PIGY: variants seen among roughly 807,000 people sequenced by gnomAD.
PIGY encodes the protein phosphatidylinositol N-acetylglucosaminyltransferase subunit Y.
In PIGY, 3 loss-of-function variants were observed where a neutral mutation model predicts 4.1. The ratio of observed to expected loss-of-function variants is 0.73; its 90% CI spans 0.33 to 1.89. The LOEUF is 1.89. Ranked by LOEUF, PIGY falls within the 40% of genes most tolerant of loss-of-function variation. PIGY has a pLI of 0.08. For missense variants in PIGY, 78 were observed against 80.3 expected (o/e 0.97, Z 0.11); for synonymous variants, 33 against 31.4 (o/e 1.05, Z -0.18).
chr4:88,522,795 A>G (rs1458356840), intron 1 of PIGY, among the ~76,000 whole-genome samples: 1 of 152,230 alleles, frequency 6.6e-6, no homozygotes, highest in African/African-American at 2.4e-5. Flanking sequence ...CACAACTAAG[A>G]GCCACTGGGC....
At position 88,523,737 on chromosome 4, in the gene PIGY, C is replaced by G. The variant is rs1324283736; in HGVS notation, c.-480G>C. Reference sequence around the variant, plus strand: ...CGGAGACCAGGCCTCACCGCAGCCTCGCCACCCGTGGCCGAGCTCCCGGCT... The same window carrying G: ...CGGAGACCAGGCCTCACCGCAGCCTGGCCACCCGTGGCCGAGCTCCCGGCT... On this transcript the variant is annotated 5_prime_UTR_variant, in exon 1 of 2. Transcript: ENST00000527353. The G allele has an allele frequency of 2.8e-6, 4 of 1,403,646 alleles. No individual in the cohort carries two copies. The highest frequency in any genetic ancestry group is 3.7e-6 in the Non-Finnish European group (4 of 1,086,202). The allele number at this position is 1,403,646 out of a possible 1,614,324, so 86.9% of individuals were successfully genotyped here.
In PIGY at chr4:88,521,267, A is replaced by C. The variant is rs1742362793; in HGVS notation, c.*307T>G. Reference sequence around the variant, plus strand: ...AACAAACAAGCAAAACAAAATTTCAATGACTCTTAGATGAATGGAATAAGA... The same window carrying C: ...AACAAACAAGCAAAACAAAATTTCACTGACTCTTAGATGAATGGAATAAGA... On this transcript the variant is annotated 3_prime_UTR_variant, in exon 2 of 2. Coordinates refer to ENST00000527353, the MANE Select transcript of PIGY (RefSeq NM_001042616.3). The C allele has an allele frequency of 3.7e-6, 1 of 267,576 alleles. No individual in the cohort carries two copies. The highest frequency in any genetic ancestry group is 7.6e-5 in the South Asian group (1 of 13,128). 16.6% of individuals were successfully genotyped at this position (267,576 alleles called of 1,614,324 possible).
At chr4:88,523,389 A>G in intron 1 of PIGY, 109 bp downstream of exon 1, 1 of 1,122,036 alleles carries the variant, frequency 8.9e-7, no homozygotes, top group African/African-American at 1.6e-5. Flanking sequence ...GGCAGCGGAG[A>G]GTACCTGACC....
chr4:88,523,691 C>A lies in PIGY; in HGVS notation c.-434G>T. On this transcript the variant is annotated 5_prime_UTR_variant, in exon 1 of 2. The change creates a premature stop within an existing upstream ORF in the 5' untranslated region. Coordinates refer to ENST00000527353, the MANE Select transcript of PIGY (RefSeq NM_001042616.3). The stretch of plus-strand genomic sequence containing the variant: ...GCTGAGGCGAGCCTGCAGCGTGCTC[C>A]ACTCAGCATGGTCTGGCAGCCGGAG... 6.7e-7 allele frequency: 1 copy of A among 1,487,876 alleles called. No individual in the cohort carries two copies. The highest frequency in any genetic ancestry group is 2.5e-5 in the East Asian group (1 of 39,438). The allele number at this position is 1,487,876 out of a possible 1,614,324, so 92.2% of individuals were successfully genotyped here.
At position 88,522,036 on chromosome 4, in the gene PIGY, T is replaced by TG. The variant is rs1742389183; in HGVS notation, c.-240-8dup. On this transcript the variant is annotated splice_region_variant and splice_polypyrimidine_tract_variant and intron_variant, in intron 1 of 1. Coordinates refer to ENST00000527353, the MANE Select transcript of PIGY (RefSeq NM_001042616.3). ...GTTTGTTGATGCTTCATATCTGAGG[T>TG]GGAAAAAAAAAGAACAAAATGAGTT... The TG allele has an allele frequency of 6.6e-7, 1 of 1,519,166 alleles. No homozygotes were observed. The highest frequency in any genetic ancestry group is 8.8e-7 in the Non-Finnish European group (1 of 1,135,548). The allele number at this position is 1,519,166 out of a possible 1,614,324, so 94.1% of individuals were successfully genotyped here.
chr4:88,521,917 T>TA lies in PIGY; in HGVS notation c.-129dup, dbSNP rs1742383120. On this transcript the variant is annotated 5_prime_UTR_variant, in exon 2 of 2. It introduces an in-frame stop codon into an upstream open reading frame of the 5' UTR. Coordinates refer to ENST00000527353, the MANE Select transcript of PIGY (RefSeq NM_001042616.3). ...CGCTGCTCCACTTCTTCTTGCTTCT[T>TA]ACTTTGACGTGTCATCCTAGCTGCC... The TA allele has an allele frequency of 1.3e-6, 2 of 1,550,970 alleles. No homozygotes were observed. Among genetic ancestry groups the TA allele is most frequent in the East Asian group, 4.9e-5 (2 of 40,924 alleles).
Position 88,523,766 on chromosome 4 carries a change from C to G in PIGY, c.-509G>C, listed in dbSNP as rs991610681. On this transcript the variant is annotated 5_prime_UTR_variant, in exon 1 of 2. Transcript: ENST00000527353. ...ACCCGTGGCCGAGCTCCCGGCTTCCCGTTCGTCCAGGCCAGCCGGGCAGGC... is the reference window on the plus strand; with the variant it reads ...ACCCGTGGCCGAGCTCCCGGCTTCCGGTTCGTCCAGGCCAGCCGGGCAGGC... 6 of 1,376,558 alleles carry G rather than the reference C, an allele frequency of 4.4e-6. No homozygotes were observed. Among genetic ancestry groups the G allele is most frequent in the South Asian group, 1.6e-5 (1 of 63,388 alleles). 85.3% of individuals were successfully genotyped at this position (1,376,558 alleles called of 1,614,324 possible). A position where few individuals can be genotyped will look rare whatever the true frequency, so the allele number is the denominator to read the frequency against.
rs1219304034 is a variant in PIGY, at chr4:88,523,707, G to A, written c.-450C>T. The A allele has an allele frequency of 7.5e-6, 11 of 1,460,878 alleles. No individual in the cohort carries two copies. Among genetic ancestry groups the A allele is most frequent in the Admixed American group, 5.1e-5 (2 of 39,008 alleles). 90.5% of individuals were successfully genotyped at this position (1,460,878 alleles called of 1,614,324 possible). Reference sequence around the variant, plus strand: ...AGCGTGCTCCACTCAGCATGGTCTGGCAGCCGGAGACCAGGCCTCACCGCA... The same window carrying A: ...AGCGTGCTCCACTCAGCATGGTCTGACAGCCGGAGACCAGGCCTCACCGCA... On this transcript the variant is annotated 5_prime_UTR_variant, in exon 1 of 2. Transcript: ENST00000527353.
chr4:88,521,239 C>G lies in PIGY; in HGVS notation c.*335G>C. On this transcript the variant is annotated 3_prime_UTR_variant, in exon 2 of 2. Transcript: ENST00000527353. ...TGTGACTTTACCAAAGACCTTGAAG[C>G]TAAACAAACAAGCAAAACAAAATTT... 4.3e-6 allele frequency: 1 copy of G among 232,204 alleles called. No individual in the cohort carries two copies. The highest frequency in any genetic ancestry group is 8.5e-6 in the Non-Finnish European group (1 of 117,286). 14.4% of individuals were successfully genotyped at this position (232,204 alleles called of 1,614,324 possible).
rs1165342720 is a variant in PIGY, at chr4:88,521,626, A to G, written c.164T>C (p.Val55Ala). The change falls in exon 2 of 2, where the codon GTA becomes GCA. Residue 55 changes from valine (V) to alanine (A), a missense_variant. Transcript: ENST00000527353. Reference protein sequence around the residue: ...LLLPITIPVYVFFHLWTWMGI... With the variant: ...LLLPITIPVYAFFHLWTWMGI... ...CATCCAAGTCCAAAGGTGGAAGAAT[A>G]CATACACTGGTATGGTAATAGGCAA... 1 of 1,613,910 alleles carries G rather than the reference A, an allele frequency of 6.2e-7. No homozygotes were observed. The highest frequency in any genetic ancestry group is 1.3e-5 in the African/African-American group (1 of 74,938).
Position 88,521,912 on chromosome 4 carries a change from C to G in PIGY, c.-123G>C. The G allele has an allele frequency of 6.4e-7, 1 of 1,550,580 alleles. No individual in the cohort carries two copies. The highest frequency in any genetic ancestry group is 8.7e-7 in the Non-Finnish European group (1 of 1,146,720). On this transcript the variant is annotated 5_prime_UTR_variant, in exon 2 of 2. Coordinates refer to ENST00000527353, the MANE Select transcript of PIGY (RefSeq NM_001042616.3). ...ACTAGCGCTGCTCCACTTCTTCTTG[C>G]TTCTTACTTTGACGTGTCATCCTAG...
intron 1 of PIGY, 102 bp downstream of exon 1, chr4:88,523,396 G>T: frequency 2.4e-6 from 3 of 1,231,098 alleles, no homozygotes; most frequent in South Asian, 1.3e-5. Context: ...GAGAGTACCT[G>T]ACCGACCTAC....
chr4:88,523,468 G>A (rs1315431440), intron 1 of PIGY, 30 bp downstream of exon 1: 2 of 1,549,654 alleles, frequency 1.3e-6, no homozygotes, highest in East Asian at 4.9e-5. Context: ...CCGGGAGGCT[G>A]CAAAGGAAGG....
At position 88,521,148 on chromosome 4, in the gene PIGY, ATT is replaced by A. The variant is rs1742361523; in HGVS notation, c.*424_*425del. ...TTTTATATCACATTCGTTCAAATGC[ATT>A]TCTCTCCCTTAGAGGGACTATTCCA... On this transcript the variant is annotated 3_prime_UTR_variant, in exon 2 of 2. Coordinates refer to ENST00000527353, the MANE Select transcript of PIGY (RefSeq NM_001042616.3). 3 of 158,384 alleles carry A rather than the reference ATT, an allele frequency of 1.9e-5. No homozygotes were observed. Among genetic ancestry groups the A allele is most frequent in the Admixed American group, 1.8e-4 (3 of 16,218 alleles). 9.8% of individuals were successfully genotyped at this position (158,384 alleles called of 1,614,324 possible).
In PIGY at chr4:88,523,710, G is replaced by C. The variant is rs1472608627; in HGVS notation, c.-453C>G. 6.9e-7 allele frequency: 1 copy of C among 1,457,494 alleles called. No homozygotes were observed. The highest frequency in any genetic ancestry group is 9.0e-7 in the Non-Finnish European group (1 of 1,113,008). 90.3% of individuals were successfully genotyped at this position (1,457,494 alleles called of 1,614,324 possible). On this transcript the variant is annotated 5_prime_UTR_variant, in exon 1 of 2. Transcript: ENST00000527353. Reference sequence around the variant, plus strand: ...GTGCTCCACTCAGCATGGTCTGGCAGCCGGAGACCAGGCCTCACCGCAGCC... The same window carrying C: ...GTGCTCCACTCAGCATGGTCTGGCACCCGGAGACCAGGCCTCACCGCAGCC...
At chr4:88,523,348 G>T in intron 1 of PIGY, 150 bp downstream of exon 1, 1 of 820,802 alleles carries the variant, frequency 1.2e-6, no homozygotes, top group Non-Finnish European at 1.9e-6. Flanking sequence ...CCTGCCCGCT[G>T]TGCGCCCGGC....
chr4:88,523,326 G>A (rs1742447087), intron 1 of PIGY, among the ~76,000 whole-genome samples, 172 bp downstream of exon 1: 1 of 152,284 alleles, frequency 6.6e-6, no homozygotes, highest in East Asian at 1.9e-4. Context: ...CCTGGCCTCC[G>A]GTCTCCCCCG....
In PIGY at chr4:88,523,506, C is replaced by G; in HGVS notation, c.-249G>C. 6.4e-7 allele frequency: 1 copy of G among 1,551,336 alleles called. No individual in the cohort carries two copies. Among genetic ancestry groups the G allele is most frequent in the Non-Finnish European group, 8.7e-7 (1 of 1,146,864 alleles). On this transcript the variant is annotated 5_prime_UTR_variant, in exon 1 of 2. Coordinates refer to ENST00000527353, the MANE Select transcript of PIGY (RefSeq NM_001042616.3). ...CAAGGCCAGCGAGTTACCTGAGCGGCTTCTTGGAGAGCGGGCACACCAGGA... is the reference window on the plus strand; with the variant it reads ...CAAGGCCAGCGAGTTACCTGAGCGGGTTCTTGGAGAGCGGGCACACCAGGA...
At chr4:88,522,757 A>G (rs541095355) in intron 1 of PIGY, among the ~76,000 whole-genome samples, 1 of 152,358 alleles carries the variant, frequency 6.6e-6, no homozygotes, top group Admixed American at 6.5e-5. Context: ...AAAACTAGTT[A>G]AAGAGGCTTC....
Sources: gnomAD v4.1 joint callset for allele counts (sites outside exome capture counted in the v4.1 genomes callset) on GRCh38, gnomAD v4.1.1 for gene constraint, MANE v1.5 for transcripts, NCBI Gene and HGNC (gene_info 2026-07-23, HGNC 2026-07-21) for gene names.